The following KIAA1217 variants were observed in gnomAD, a reference collection of about 807,000 sequenced individuals.
The protein encoded by KIAA1217 is sickle tail protein homolog.
KIAA1217 carries 88 observed loss-of-function variants against 163.9 expected under a neutral mutation model. The observed-to-expected ratio is 0.54, with a 90% CI of 0.45 to 0.64. The LOEUF is 0.64. KIAA1217 is among the 30% of genes least tolerant of loss of function. The pLI is 0.00. For missense variants in KIAA1217, 2,372 were observed against 2,475.0 expected, an observed-to-expected ratio of 0.96 and a Z score of 0.88; for synonymous variants, 903 against 923.1, an observed-to-expected ratio of 0.98 and a Z score of 0.39.
intron 2 of KIAA1217, among the ~76,000 whole-genome samples, chr10:24,189,027 A>T (rs2066582039): frequency 6.7e-6 from 1 of 150,000 alleles, no homozygotes; most frequent in South Asian, 2.1e-4. Context: ...AATGGTGTGA[A>T]CCCGGGAGAT....
At chr10:24,463,907 TG>T (rs2062680310) in intron 5 of KIAA1217, among the ~76,000 whole-genome samples, 2 of 152,198 alleles carry the variant, frequency 1.3e-5, no homozygotes, top group Non-Finnish European at 2.9e-5. Flanking sequence ...AACGTAGTAA[TG>T]GCTGTAATGT....
intron 17 of KIAA1217, among the ~76,000 whole-genome samples, chr10:24,539,852 C>G (rs568897404): frequency 6.6e-6 from 1 of 152,286 alleles, no homozygotes; most frequent in East Asian, 1.9e-4. Flanking sequence ...AAACTCCAGC[C>G]TAGTTCTTCA....
intron 2 of KIAA1217, among the ~76,000 whole-genome samples, chr10:24,146,761 G>C (rs900726503): frequency 6.6e-6 from 1 of 152,114 alleles, no homozygotes; most frequent in African/African-American, 2.4e-5. Context: ...GCTGATGGAA[G>C]GAGACAGGCT....
intron 1 of KIAA1217, among the ~76,000 whole-genome samples, chr10:23,864,812 C>T (rs1196121357): frequency 6.6e-6 from 1 of 152,026 alleles, no homozygotes. Context: ...CCAAATTGTG[C>T]AGAGTAGGCT....
At chr10:23,784,146 A>T (rs1030158309) in intron 1 of KIAA1217, among the ~76,000 whole-genome samples, 5 of 152,080 alleles carry the variant, frequency 3.3e-5, no homozygotes, top group African/African-American at 1.2e-4. Context: ...ACAATTGTTA[A>T]ATACTTTCTT....
intron 1 of KIAA1217, among the ~76,000 whole-genome samples, chr10:23,707,422 AGT>A (rs1443598273): frequency 7.9e-5 from 12 of 152,282 alleles, no homozygotes; most frequent in African/African-American, 2.6e-4. Flanking sequence ...TCCTCAGAGC[AGT>A]GTGTTTTCAC....
At chr10:24,139,143 A>G (rs2063950645) in intron 2 of KIAA1217, among the ~76,000 whole-genome samples, 1 of 152,088 alleles carries the variant, frequency 6.6e-6, no homozygotes, top group East Asian at 1.9e-4. Flanking sequence ...AGCAAAATAT[A>G]TTGATTGCTG....
At chr10:24,527,881 C>G in intron 13 of KIAA1217, 55 bp from the exon 14 acceptor site, 2 of 1,413,042 alleles carry the variant, frequency 1.4e-6, no homozygotes, top group Non-Finnish European at 9.9e-7. Context: ...TCCCAGTGTC[C>G]GTTGTTCTCC....
chr10:23,737,530 T>G (rs1186673336), intron 1 of KIAA1217, among the ~76,000 whole-genome samples: 1 of 152,110 alleles, frequency 6.6e-6, no homozygotes, highest in African/African-American at 2.4e-5. Flanking sequence ...TCCTTTGCTT[T>G]TCTAAATTTT....
intron 2 of KIAA1217, among the ~76,000 whole-genome samples, chr10:24,186,200 AT>A (rs1209638970): frequency 5.9e-5 from 9 of 151,960 alleles, no homozygotes; most frequent in Admixed American, 5.2e-4. Context: ...GACTTTTTCA[AT>A]TTTCTGTTGG....
intron 1 of KIAA1217, among the ~76,000 whole-genome samples, chr10:23,718,355 A>G (rs1837685145): frequency 6.6e-6 from 1 of 152,230 alleles, no homozygotes; most frequent in African/African-American, 2.4e-5. Flanking sequence ...TGTAGTTTAT[A>G]GAATAGCAGA....
intron 2 of KIAA1217, among the ~76,000 whole-genome samples, chr10:24,254,625 A>G (rs1218698708): frequency 6.6e-6 from 1 of 152,224 alleles, no homozygotes; most frequent in Non-Finnish European, 1.5e-5. Context: ...CCACAAATGA[A>G]GCACATTCAC....
At chr10:23,744,129 A>G (rs1839272779) in intron 1 of KIAA1217, among the ~76,000 whole-genome samples, 1 of 152,130 alleles carries the variant, frequency 6.6e-6, no homozygotes. Context: ...ATCCAACAGG[A>G]AGTTGGCAAC....
chr10:24,109,367 T>C (rs1269082709), intron 2 of KIAA1217, among the ~76,000 whole-genome samples: 1 of 152,042 alleles, frequency 6.6e-6, no homozygotes, highest in Non-Finnish European at 1.5e-5. Flanking sequence ...ATTAACTTTT[T>C]GGTTGAACTG....
Position 24,533,205 on chromosome 10 carries a change from G to A in KIAA1217, c.3382G>A (p.Glu1128Lys), listed in dbSNP as rs2073383555. ...SSSKDEEEEE[E>K]EGDKIMAELQ... is the part of the protein sequence containing the mutation. ...CTCAAAGGATGAGGAGGAAGAAGAA[G>A]AAGAAGGAGACAAAATAATGGCAGA... Residue 1128 changes from glutamate to lysine, a missense_variant, in exon 16 of 21, where the codon GAA (glutamate) becomes AAA (lysine). Glu to Lys is a moderately conservative substitution (Grantham distance 56). Coordinates refer to ENST00000376454, the MANE Select transcript of KIAA1217 (RefSeq NM_019590.5). 6.2e-7 allele frequency: 1 copy of A among 1,613,210 alleles called. No individual in the cohort carries two copies. Among genetic ancestry groups the A allele is most frequent in the Non-Finnish European group, 8.5e-7 (1 of 1,179,798 alleles).
At chr10:24,171,773 G>C (rs12771473) in intron 2 of KIAA1217, among the ~76,000 whole-genome samples, 43,264 of 151,518 alleles carry the variant, frequency 0.29, 7,156 homozygotes, top group South Asian at 0.37. Flanking sequence ...GACAACAAGA[G>C]CAAAACTCCA....
rs146788839 is a variant in KIAA1217 at position 24,199,521 on chromosome 10, C to T, written c.-170-20105C>T. 5.3e-3 allele frequency among the ~76,000 whole-genome samples: 804 copies of T among 152,234 alleles called. 4 individuals carry two copies. The highest frequency in any genetic ancestry group is 7.7e-3 in the Non-Finnish European group (525 of 68,012). On this transcript the variant is annotated intron_variant, in intron 2 of 18. Coordinates refer to the KIAA1217 transcript ENST00000376462. ...CGGGGACAGACATTCAAACTATAGC[C>T]GAAGAGAAATTGTTGAAGTTTGGGA... is the stretch of plus-strand genomic sequence containing the variant.
At chr10:24,530,300 T>A (rs1329465010) in intron 14 of KIAA1217, among the ~76,000 whole-genome samples, 2 of 152,174 alleles carry the variant, frequency 1.3e-5, no homozygotes, top group Non-Finnish European at 2.9e-5. Flanking sequence ...TTTAAATTAC[T>A]CCCCAAGGTA....
chr10:23,759,046 A>C (rs985140458), intron 1 of KIAA1217, among the ~76,000 whole-genome samples: 1 of 152,196 alleles, frequency 6.6e-6, no homozygotes, highest in African/African-American at 2.4e-5. Context: ...TTTTCAACCC[A>C]TGAACATGGG....
Sources: allele counts gnomAD v4.1 joint callset (sites outside exome capture counted in the v4.1 genomes callset), GRCh38; gene constraint gnomAD v4.1.1; transcripts MANE v1.5; gene names NCBI Gene and HGNC (gene_info 2026-07-23, HGNC 2026-07-21).